Variants in STK31 observed in about 807,000 individuals in gnomAD.
The protein encoded by STK31 is serine/threonine-protein kinase 31.
STK31 carries 89 observed loss-of-function variants against 129.7 expected under a neutral mutation model. The observed-to-expected ratio is 0.69, with a 90% CI of 0.58 to 0.82. The LOEUF is 0.82. Ranked by LOEUF, STK31 falls within the 40% of genes least tolerant of loss-of-function variation. The pLI, the probability that STK31 is intolerant of heterozygous loss-of-function variation, is 0.00. For synonymous variants in STK31, 448 were observed against 395.3 expected, an observed-to-expected ratio of 1.13 and a Z score of -1.58; for missense variants, 1,187 against 1,176.4, an observed-to-expected ratio of 1.01 and a Z score of -0.13.
At chr7:23,804,593 A>G (rs1156768270) in intron 22 of STK31, among the ~76,000 whole-genome samples, 1 of 152,108 alleles carries the variant, frequency 6.6e-6, no homozygotes, top group African/African-American at 2.4e-5. Flanking sequence ...TTGCATGAAG[A>G]TTTTATTCCG....
intron 23 of STK31, among the ~76,000 whole-genome samples, chr7:23,822,562 A>G (rs115654934): frequency 0.011 from 1,652 of 152,258 alleles, 32 homozygotes; most frequent in African/African-American, 0.038. Flanking sequence ...ATAGAAGATT[A>G]TGTCATCTGC....
At position 23,769,770 on chromosome 7, in the gene STK31, T is replaced by C. The variant is rs781727754; in HGVS notation, c.1713+14T>C. ...ATAGCTCTGGTTGTGAGTATCGATA[T>C]TCTTTATTATTGCCTCCTTTGAAGC... On this transcript the variant is annotated intron_variant, in intron 13 of 23. Transcript: ENST00000355870. The C allele has an allele frequency of 4.0e-6, 6 of 1,501,930 alleles. No homozygotes were observed. Among genetic ancestry groups the C allele is most frequent in the Non-Finnish European group, 5.5e-6 (6 of 1,086,154 alleles). The allele number at this position is 1,501,930 out of a possible 1,614,324, so 93.0% of individuals were successfully genotyped here. A position where few individuals can be genotyped will look rare whatever the true frequency, so the allele number is the denominator to read the frequency against.
chr7:23,729,237 C>T lies in STK31; in HGVS notation c.471C>T (p.Thr157=). The change falls in exon 6 of 24, where the codon ACC becomes ACT. Residue 157 remains threonine, a synonymous_variant. Transcript: ENST00000355870. ...ACATTCCTTCTGATCAAGAAGTTAC[C>T]CAGTTTGATCAGGCAAGTCACGTAT... ...GLHIPSDQEV[T]QFDQGTTFLG... is the part of the protein sequence containing the mutation. 1.3e-6 allele frequency: 2 copies of T among 1,595,442 alleles called. No individual in the cohort carries two copies. Among genetic ancestry groups the T allele is most frequent in the Middle Eastern group, 2.2e-4 (1 of 4,578 alleles).
chr7:23,721,003 C>A (rs149790101), intron 4 of STK31, among the ~76,000 whole-genome samples: 2 of 152,042 alleles, frequency 1.3e-5, no homozygotes, highest in African/African-American at 4.8e-5. Flanking sequence ...TAAATCTAAC[C>A]CTTACCACTA....
At chr7:23,777,567 C>A (rs62470064) in intron 15 of STK31, among the ~76,000 whole-genome samples, 1 of 151,984 alleles carries the variant, frequency 6.6e-6, no homozygotes, top group Non-Finnish European at 1.5e-5. Context: ...GCACTGATCC[C>A]TTTACCATTA....
intron 8 of STK31, among the ~76,000 whole-genome samples, chr7:23,746,636 C>A (rs1439960832): frequency 1.3e-5 from 2 of 151,882 alleles, no homozygotes; most frequent in Non-Finnish European, 2.9e-5. Flanking sequence ...ATTAAGTAAT[C>A]TAGAGAAGGG....
intron 8 of STK31, among the ~76,000 whole-genome samples, chr7:23,737,462 G>T (rs1356235825): frequency 3.3e-5 from 5 of 152,246 alleles, no homozygotes; most frequent in Non-Finnish European, 7.4e-5. Context: ...TATTTTAGAA[G>T]AAGTCCCATT....
chr7:23,777,926 A>G (rs1359632408), intron 15 of STK31, among the ~76,000 whole-genome samples: 1 of 152,178 alleles, frequency 6.6e-6, no homozygotes, highest in Admixed American at 6.6e-5. Flanking sequence ...GTTTCTTCAT[A>G]GTGTCGACGG....
chr7:23,746,167 G>T (rs1788339524), intron 8 of STK31, among the ~76,000 whole-genome samples: 1 of 152,158 alleles, frequency 6.6e-6, no homozygotes, highest in South Asian at 2.1e-4. Context: ...TTAGGATTGG[G>T]GGGTGGGTGT....
At chr7:23,756,434 G>A (rs767601973) in intron 10 of STK31, among the ~76,000 whole-genome samples, 6 of 152,094 alleles carry the variant, frequency 3.9e-5, no homozygotes, top group Admixed American at 6.5e-5. Context: ...AAATCATGTC[G>A]TCTGCAAACA....
rs370715117 is a variant in STK31 at position 23,825,393 on chromosome 7, T to A, written c.2830-6743T>A. ...TTTCTAGTTTATTTGCGTAGAGGTGTTTATAGTATTCTCTGATGGTAGTTT... is the reference window on the plus strand; with the variant it reads ...TTTCTAGTTTATTTGCGTAGAGGTGATTATAGTATTCTCTGATGGTAGTTT... On this transcript the variant is annotated intron_variant, in intron 23 of 23. Transcript: ENST00000355870. Among the ~76,000 whole-genome samples the A allele has an allele frequency of 5.0e-4, 76 of 152,332 alleles. No homozygotes were observed. The South Asian group carries it at 0.016, about 31-fold the overall frequency.
intron 3 of STK31, among the ~76,000 whole-genome samples, chr7:23,712,602 T>A (rs566311574): frequency 6.6e-6 from 1 of 152,302 alleles, no homozygotes; most frequent in South Asian, 2.1e-4. Context: ...ATTTGTGAAG[T>A]TATAGCCCCA....
At chr7:23,760,294 A>C (rs201191514) in intron 10 of STK31, among the ~76,000 whole-genome samples, 4 of 85,718 alleles carry the variant, frequency 4.7e-5, no homozygotes, top group Non-Finnish European at 8.5e-5. Flanking sequence ...TATACCCTGT[A>C]AATCTTACTC....
chr7:23,751,484 A>G (rs1788704667), intron 8 of STK31, among the ~76,000 whole-genome samples: 2 of 152,184 alleles, frequency 1.3e-5, no homozygotes, highest in African/African-American at 2.4e-5. Flanking sequence ...TACCCAGCAT[A>G]TGGTCTGCCT....
Position 23,729,127 on chromosome 7 carries a change from A to G in STK31, c.361A>G (p.Ile121Val). Residue 121 changes from isoleucine (I) to valine (V), a missense_variant, in exon 6 of 24, where the codon ATT (isoleucine) becomes GTT (valine). By Grantham distance (29) the Ile-to-Val change is conservative (BLOSUM62 3). This residue lies in a region of STK31 where 103 missense variants were observed against 110.4 expected (regional missense o/e 0.93). Transcript: ENST00000355870. ...GTACATTGACTATGGAAATACTGAA[A>G]TTCTAAATCGATCTGATATAGTTGA... ...VRYIDYGNTEILNRSDIVEIP... is the reference protein window; with the variant it reads ...VRYIDYGNTEVLNRSDIVEIP... 1 of 1,610,720 alleles carries G rather than the reference A, an allele frequency of 6.2e-7. No individual in the cohort carries two copies.
chr7:23,803,962 A>G lies in STK31; in HGVS notation c.2761-11182A>G, dbSNP rs149210353. 5.3e-4 allele frequency among the ~76,000 whole-genome samples: 80 copies of G among 152,374 alleles called. 1 individual carries two copies. In the East Asian group the frequency reaches 0.011, roughly 21 times the overall value. ...TTCTAGAAGCCAGTTTTTAAAAAGTATAACAGTTCTGTCTGATGTTACATT... is the reference window on the plus strand; with the variant it reads ...TTCTAGAAGCCAGTTTTTAAAAAGTGTAACAGTTCTGTCTGATGTTACATT... On this transcript the variant is annotated intron_variant, in intron 22 of 23. Transcript: ENST00000355870.
chr7:23,830,629 T>TGTGTGTGTGTGTGTGTG (rs1554300171), intron 23 of STK31, among the ~76,000 whole-genome samples: 1 of 144,518 alleles, frequency 6.9e-6, no homozygotes, highest in Admixed American at 7.0e-5. Context: ...TGTGTGTGTG[T>TGTGTGTGTGTGTGTGTG]TGTTTTTGAG....
intron 22 of STK31, among the ~76,000 whole-genome samples, chr7:23,806,859 C>G (rs1792741745): frequency 6.9e-6 from 1 of 144,600 alleles, no homozygotes; most frequent in African/African-American, 2.6e-5. Context: ...GAGATCACGC[C>G]ACTGCACTCC....
chr7:23,730,877 TA>T (rs200923344), intron 6 of STK31, among the ~76,000 whole-genome samples: 530 of 52,334 alleles, frequency 0.01, 6 homozygotes, highest in South Asian at 0.015. Flanking sequence ...TATATATATA[TA>T]TTTTTTTTTT....
Sources: allele counts gnomAD v4.1 joint callset (sites outside exome capture counted in the v4.1 genomes callset), GRCh38; gene constraint gnomAD v4.1.1; regional missense constraint gnomAD v4.1.1; transcripts MANE v1.5; gene names NCBI Gene and HGNC (gene_info 2026-07-23, HGNC 2026-07-21).